MACROD2: variants seen among roughly 807,000 people sequenced by gnomAD.
The protein encoded by MACROD2 is ADP-ribose glycohydrolase MACROD2.
In MACROD2, 36 loss-of-function variants were observed where a neutral mutation model predicts 70.4. The observed-to-expected ratio is 0.51, with a 90% CI of 0.39 to 0.68. The LOEUF is 0.68. Among genes scored for constraint, MACROD2 ranks in the 30% least tolerant of loss-of-function variants. The pLI is 0.00. For synonymous variants in MACROD2, 172 were observed against 178.8 expected (o/e 0.96, Z 0.30); for missense variants, 496 against 538.4 (o/e 0.92, Z 0.78).
intron 5 of MACROD2, among the ~76,000 whole-genome samples, chr20:14,786,054 A>G (rs1054712620): frequency 4.6e-5 from 7 of 152,114 alleles, no homozygotes; most frequent in African/African-American, 1.7e-4. Flanking sequence ...CAAGTAGACA[A>G]AACACACAGA....
intron 5 of MACROD2, among the ~76,000 whole-genome samples, chr20:15,009,870 C>T (rs2075068669): frequency 6.7e-6 from 1 of 150,118 alleles, no homozygotes; most frequent in Admixed American, 6.7e-5. Flanking sequence ...TAAATTTCAA[C>T]ATAGAAGCAA....
chr20:14,162,470 C>T (rs957237663), intron 3 of MACROD2, among the ~76,000 whole-genome samples: 2 of 151,946 alleles, frequency 1.3e-5, no homozygotes, highest in African/African-American at 2.4e-5. Context: ...TGTTGAAGTT[C>T]CTAATTATTA....
At chr20:15,676,593 T>G (rs1217658184) in intron 8 of MACROD2, among the ~76,000 whole-genome samples, 1 of 152,156 alleles carries the variant, frequency 6.6e-6, no homozygotes, top group African/African-American at 2.4e-5. Context: ...TTGTTACATT[T>G]ATGGGGCAGT....
At chr20:15,145,717 A>G (rs2076225275) in intron 5 of MACROD2, among the ~76,000 whole-genome samples, 1 of 152,270 alleles carries the variant, frequency 6.6e-6, no homozygotes, top group South Asian at 2.1e-4. Flanking sequence ...TGCAAATAAC[A>G]GGTTCTCTTT....
chr20:15,065,195 A>G (rs763703011), intron 5 of MACROD2, among the ~76,000 whole-genome samples: 24 of 152,040 alleles, frequency 1.6e-4, no homozygotes, highest in Non-Finnish European at 3.1e-4. Context: ...ATAACACAAT[A>G]TCTGCATTTG....
intron 4 of MACROD2, among the ~76,000 whole-genome samples, chr20:14,536,620 A>G (rs2085366351): frequency 7.4e-6 from 1 of 134,776 alleles, no homozygotes; most frequent in Non-Finnish European, 1.6e-5. Context: ...CCCAATAGGT[A>G]ACATTGGTGT....
chr20:15,689,670 G>A (rs1432011751), intron 8 of MACROD2, among the ~76,000 whole-genome samples: 1 of 152,166 alleles, frequency 6.6e-6, no homozygotes, highest in Admixed American at 6.5e-5. Flanking sequence ...GTGAGCCCTG[G>A]GGGAGGAGTG....
At chr20:15,471,003 T>C (rs1467610958) in intron 7 of MACROD2, among the ~76,000 whole-genome samples, 2 of 152,228 alleles carry the variant, frequency 1.3e-5, no homozygotes, top group Admixed American at 6.5e-5. Flanking sequence ...TTTTTCCGCC[T>C]CCTTCATCCA....
chr20:15,091,122 C>T (rs1234459076), intron 5 of MACROD2, among the ~76,000 whole-genome samples: 2 of 151,978 alleles, frequency 1.3e-5, no homozygotes, highest in Non-Finnish European at 2.9e-5. Flanking sequence ...ATCCGAATTG[C>T]AATTAATCTG....
intron 8 of MACROD2, among the ~76,000 whole-genome samples, chr20:15,572,697 A>G (rs1441901033): frequency 1.3e-5 from 2 of 152,112 alleles, no homozygotes; most frequent in Non-Finnish European, 1.5e-5. Context: ...GCATGAATGC[A>G]TGAGAACCCA....
At chr20:14,415,426 GACC>G (rs2083793272) in intron 3 of MACROD2, among the ~76,000 whole-genome samples, 1 of 152,026 alleles carries the variant, frequency 6.6e-6, no homozygotes, top group African/African-American at 2.4e-5. Flanking sequence ...CCAATTGTGT[GACC>G]ACCAACACCA....
At chr20:14,631,912 G>A (rs1424187197) in intron 4 of MACROD2, 1 of 152,216 alleles carries the variant, frequency 6.6e-6, no homozygotes, top group Non-Finnish European at 1.5e-5. Flanking sequence ...CTACTGCAAT[G>A]AGCATGCCAG....
chr20:15,891,362 A>G (rs1451843798), intron 10 of MACROD2, among the ~76,000 whole-genome samples: 2 of 152,176 alleles, frequency 1.3e-5, no homozygotes, highest in East Asian at 3.9e-4. Context: ...GCGGGGCCCC[A>G]ATGACATGCT....
intron 3 of MACROD2, among the ~76,000 whole-genome samples, chr20:14,303,779 A>G (rs75428574): frequency 0.013 from 2,046 of 152,228 alleles, 25 homozygotes; most frequent in Non-Finnish European, 0.021. Flanking sequence ...ACAGCCCCCA[A>G]TGCATTTAAA....
intron 3 of MACROD2, among the ~76,000 whole-genome samples, chr20:14,429,827 A>C (rs1405955974): frequency 6.6e-6 from 1 of 152,126 alleles, no homozygotes; most frequent in Non-Finnish European, 1.5e-5. Context: ...CTGCCTCCCC[A>C]GCCTCCTTCA....
chr20:15,836,787 C>A (rs1487844801), intron 8 of MACROD2, among the ~76,000 whole-genome samples: 1 of 152,064 alleles, frequency 6.6e-6, no homozygotes, highest in Non-Finnish European at 1.5e-5. Context: ...ATAGCAATAC[C>A]AAATTGTGGT....
At chr20:15,055,878 C>G (rs1038318695) in intron 5 of MACROD2, among the ~76,000 whole-genome samples, 2 of 151,514 alleles carry the variant, frequency 1.3e-5, no homozygotes, top group African/African-American at 4.9e-5. Context: ...TCACTGCCTC[C>G]TGAATTCAAG....
chr20:14,768,284 A>G (rs2072118187), intron 5 of MACROD2, among the ~76,000 whole-genome samples: 1 of 151,954 alleles, frequency 6.6e-6, no homozygotes, highest in Non-Finnish European at 1.5e-5. Flanking sequence ...ATTTCTCCAC[A>G]TCCTCTCTAG....
intron 6 of MACROD2, among the ~76,000 whole-genome samples, chr20:15,380,536 C>G (rs1479245575): frequency 6.6e-6 from 1 of 151,264 alleles, no homozygotes; most frequent in Non-Finnish European, 1.5e-5. Flanking sequence ...CAAAACGAAT[C>G]ACTTCTTAAT....
Sources: allele counts gnomAD v4.1 joint callset (sites outside exome capture counted in the v4.1 genomes callset), GRCh38; gene constraint gnomAD v4.1.1; transcripts MANE v1.5; gene names NCBI Gene and HGNC (gene_info 2026-07-23, HGNC 2026-07-21).